Variants in KCND2 observed in about 807,000 individuals in gnomAD.
KCND2 encodes the protein A-type voltage-gated potassium channel KCND2.
A neutral mutation model predicts 54.4 loss-of-function variants in KCND2; 16 were observed. The observed-to-expected ratio is 0.29, with a 90% CI of 0.20 to 0.45. The LOEUF (loss-of-function observed/expected upper bound fraction) is 0.45. Among genes scored for constraint, KCND2 ranks in the 20% least tolerant of loss-of-function variants. The probability of loss-of-function intolerance (pLI) is 1.00; values close to 1 mark genes in which losing one functional copy is unlikely to be tolerated. For synonymous variants in KCND2, 317 were observed against 310.7 expected (o/e 1.02, Z -0.21); for missense variants, 486 against 824.2 (o/e 0.59, Z 5.02).
chr7:120,402,476 T>G (rs1180475332), intron 1 of KCND2, among the ~76,000 whole-genome samples: 4 of 152,208 alleles, frequency 2.6e-5, no homozygotes, highest in Admixed American at 2.6e-4. Context: ...CGATAGTGGA[T>G]ATTATCTTAA....
intron 4 of KCND2, among the ~76,000 whole-genome samples, chr7:120,743,263 T>C (rs1347536339): frequency 2.6e-5 from 4 of 152,102 alleles, no homozygotes; most frequent in Admixed American, 6.6e-5. Context: ...CAGAACAAAA[T>C]CTTCACCATA....
rs146487908 is a variant in KCND2, at chr7:120,718,429, G to A, written c.1116-14474G>A. On this transcript the variant is annotated intron_variant, in intron 1 of 5. Coordinates refer to ENST00000331113, the MANE Select transcript of KCND2 (RefSeq NM_012281.3). ...TTTAAATGGTTAGGAAAAAAATCAT[G>A]TTTCTTGACATGCAAAATTAGTATA... Among the ~76,000 whole-genome samples, 1,036 of 152,198 alleles carry A rather than the reference G, an allele frequency of 6.8e-3. 9 individuals are homozygous for A. Among genetic ancestry groups the A allele is most frequent in the African/African-American group, 0.023 (966 of 41,538 alleles).
chr7:120,546,557 C>G (rs1792044092), intron 1 of KCND2, among the ~76,000 whole-genome samples: 1 of 151,918 alleles, frequency 6.6e-6, no homozygotes, highest in African/African-American at 2.4e-5. Context: ...AGATGCAACA[C>G]TAGAAACCAT....
intron 1 of KCND2, among the ~76,000 whole-genome samples, chr7:120,282,445 G>T (rs952752776): frequency 3.9e-5 from 6 of 152,086 alleles, no homozygotes; most frequent in African/African-American, 9.7e-5. Context: ...AAATTAAAAG[G>T]CAGATTACAA....
intron 1 of KCND2, among the ~76,000 whole-genome samples, chr7:120,475,228 A>G (rs1274893570): frequency 5.9e-5 from 9 of 152,212 alleles, no homozygotes; most frequent in Non-Finnish European, 1.3e-4. Context: ...ATTTCTCACT[A>G]TTTAATTTAG....
At chr7:120,576,026 C>CTA (rs1792427861) in intron 1 of KCND2, among the ~76,000 whole-genome samples, 1 of 130,460 alleles carries the variant, frequency 7.7e-6, no homozygotes, top group South Asian at 2.5e-4. Context: ...TCTCACAACT[C>CTA]TATGCCATTG....
At chr7:120,432,863 C>T (rs1584776753) in intron 1 of KCND2, among the ~76,000 whole-genome samples, 1 of 152,146 alleles carries the variant, frequency 6.6e-6, no homozygotes, top group African/African-American at 2.4e-5. Context: ...TCCTGCCTTA[C>T]TTTCAGATCT....
intron 1 of KCND2, among the ~76,000 whole-genome samples, chr7:120,500,565 A>G (rs905315984): frequency 6.6e-6 from 1 of 152,092 alleles, no homozygotes; most frequent in Non-Finnish European, 1.5e-5. Flanking sequence ...TATTTGGGCA[A>G]GATGTTGAAA....
At chr7:120,352,262 T>C (rs1375664042) in intron 1 of KCND2, among the ~76,000 whole-genome samples, 2 of 151,894 alleles carry the variant, frequency 1.3e-5, no homozygotes, top group East Asian at 1.9e-4. Context: ...GTAACAGTGG[T>C]CATTAACCCT....
intron 1 of KCND2, among the ~76,000 whole-genome samples, chr7:120,497,094 T>C (rs1327364585): frequency 2.0e-5 from 3 of 152,252 alleles, no homozygotes; most frequent in Non-Finnish European, 2.9e-5. Flanking sequence ...ATAAGTGTTA[T>C]GTGTAGCATA....
chr7:120,665,502 T>C (rs1191442173), intron 1 of KCND2, among the ~76,000 whole-genome samples: 3 of 152,048 alleles, frequency 2.0e-5, no homozygotes, highest in Non-Finnish European at 4.4e-5. Flanking sequence ...CAAAAACAGA[T>C]TCAAGTTCTT....
chr7:120,414,929 T>C (rs112865314), intron 1 of KCND2, among the ~76,000 whole-genome samples: 179 of 152,274 alleles, frequency 1.2e-3, no homozygotes, highest in African/African-American at 3.9e-3. Context: ...ACATGGATCA[T>C]CATGTCAATA....
chr7:120,593,925 C>T (rs1305814508), intron 1 of KCND2, among the ~76,000 whole-genome samples: 4 of 152,156 alleles, frequency 2.6e-5, no homozygotes, highest in African/African-American at 9.7e-5. Flanking sequence ...ACCCATTGAC[C>T]ACCATGTCCT....
Position 120,509,957 on chromosome 7 carries a change from C to A in KCND2, c.1116-222946C>A, listed in dbSNP as rs771020364. ...ATGGAATAGCCGTTGTGCAAATACT[C>A]TCTCTACATCATTGGACATCTAGCC... On this transcript the variant is annotated intron_variant, in intron 1 of 5. Coordinates refer to ENST00000331113, the MANE Select transcript of KCND2 (RefSeq NM_012281.3). 2.0e-5 allele frequency among the ~76,000 whole-genome samples: 3 copies of A among 152,192 alleles called. No homozygotes were observed. In the South Asian group the frequency reaches 6.2e-4, roughly 32 times the overall value.
At chr7:120,581,358 A>G (rs1307884390) in intron 1 of KCND2, among the ~76,000 whole-genome samples, 2 of 152,208 alleles carry the variant, frequency 1.3e-5, no homozygotes, top group Non-Finnish European at 2.9e-5. Flanking sequence ...TTCTTAGCAG[A>G]CAGTATCTTG....
At chr7:120,443,396 C>T (rs1193916811) in intron 1 of KCND2, among the ~76,000 whole-genome samples, 1 of 149,360 alleles carries the variant, frequency 6.7e-6, no homozygotes, top group Non-Finnish European at 1.5e-5. Flanking sequence ...AAAGTAATTG[C>T]TTTACGAGGG....
At chr7:120,707,356 C>G (rs940665270) in intron 1 of KCND2, among the ~76,000 whole-genome samples, 54 of 152,054 alleles carry the variant, frequency 3.6e-4, no homozygotes, top group African/African-American at 1.3e-3. Flanking sequence ...AATTCATACA[C>G]TAGGACAACT....
intron 1 of KCND2, among the ~76,000 whole-genome samples, chr7:120,322,446 A>G (rs1405028706): frequency 6.6e-6 from 1 of 152,162 alleles, no homozygotes; most frequent in African/African-American, 2.4e-5. Context: ...TTTCTGCTAA[A>G]CATCATTGAC....
At chr7:120,498,267 G>A (rs1364270148) in intron 1 of KCND2, among the ~76,000 whole-genome samples, 1 of 152,074 alleles carries the variant, frequency 6.6e-6, no homozygotes, top group East Asian at 1.9e-4. Flanking sequence ...GGATCAAGAA[G>A]TCAAGAGATC....
Sources: allele counts gnomAD v4.1 joint callset (sites outside exome capture counted in the v4.1 genomes callset), GRCh38; gene constraint gnomAD v4.1.1; transcripts MANE v1.5; gene names NCBI Gene and HGNC (gene_info 2026-07-23, HGNC 2026-07-21).